ZNF609: variants seen among roughly 807,000 people sequenced by gnomAD.
ZNF609 encodes zinc finger protein 609.
A neutral mutation model predicts 109.5 loss-of-function variants in ZNF609; 11 were observed. The observed-to-expected ratio is 0.10, with a 90% CI of 0.06 to 0.17. ZNF609 has a LOEUF of 0.17. Among genes scored for constraint, ZNF609 ranks in the 10% least tolerant of loss-of-function variants. The pLI is 1.00. For synonymous variants in ZNF609, 646 were observed against 662.0 expected (o/e 0.98, Z 0.37); for missense variants, 1,559 against 1,772.4 (o/e 0.88, Z 2.16).
chr15:64,570,410 C>G (rs1201177533), intron 2 of ZNF609, among the ~76,000 whole-genome samples: 1 of 152,028 alleles, frequency 6.6e-6, no homozygotes, highest in African/African-American at 2.4e-5. Flanking sequence ...CAATAGATAC[C>G]AGGAAAACAG....
At chr15:64,481,765 T>C (rs1292439733) in intron 1 of ZNF609, among the ~76,000 whole-genome samples, 1 of 152,052 alleles carries the variant, frequency 6.6e-6, no homozygotes, top group Non-Finnish European at 1.5e-5. Context: ...AATGATTAGG[T>C]AAGAGATTTT....
At chr15:64,575,659 T>C (rs190970413) in intron 2 of ZNF609, among the ~76,000 whole-genome samples, 1 of 152,168 alleles carries the variant, frequency 6.6e-6, no homozygotes, top group Non-Finnish European at 1.5e-5. Context: ...ATTAATGGGA[T>C]CCCAGGTAGT....
In ZNF609 at chr15:64,674,341, A is replaced by T. The variant is rs1442659142; in HGVS notation, c.1487A>T (p.Asp496Val). 3.1e-6 allele frequency: 5 copies of T among 1,613,946 alleles called. No individual in the cohort carries two copies. Among genetic ancestry groups the T allele is most frequent in the Non-Finnish European group, 4.2e-6 (5 of 1,179,984 alleles). Residue 496 changes from aspartate to valine, a missense_variant, in exon 5 of 10, where the codon GAC (aspartate) becomes GTC (valine). By Grantham distance (152) the Asp-to-Val change is radical. Transcript: ENST00000326648. The part of the protein sequence containing the change: ...DRNCPSPVLI[D>V]CPHPNCNKKY... Reference sequence around the variant, plus strand: ...AACTGCCCCTCCCCCGTCCTAATTGACTGTCCCCACCCAAACTGCAACAAG... The same window carrying T: ...AACTGCCCCTCCCCCGTCCTAATTGTCTGTCCCCACCCAAACTGCAACAAG...
At position 64,685,237 on chromosome 15, in the gene ZNF609, A is replaced by G. The variant is rs1158499376; in HGVS notation, c.*3551A>G. On this transcript the variant is annotated 3_prime_UTR_variant, in exon 10 of 10. Transcript: ENST00000326648. The stretch of plus-strand genomic sequence containing the variant: ...CCTTTGTACATTCAGGCAAGAAGAG[A>G]AAATAAATCTTTTTAAGAGACAATC... 2 of 152,310 alleles carry G rather than the reference A, an allele frequency of 1.3e-5. No homozygotes were observed. Among genetic ancestry groups the G allele is most frequent in the African/African-American group, 4.8e-5 (2 of 41,354 alleles). The allele number at this position is 152,310 out of a possible 1,614,324, so 9.4% of individuals were successfully genotyped here. A position where few individuals can be genotyped will look rare whatever the true frequency, so the allele number is the denominator to read the frequency against.
rs1002643362 is a variant in ZNF609, at chr15:64,681,407, T to C, written c.*5+20T>C. The C allele has an allele frequency of 2.5e-6, 4 of 1,603,568 alleles. No individual in the cohort carries two copies. Among genetic ancestry groups the C allele is most frequent in the Non-Finnish European group, 3.4e-6 (4 of 1,170,810 alleles). ...AGAATGGTAAGTCACTTTTATTAAT[T>C]TGGGGCAACACATAAAGCCGGGATA... On this transcript the variant is annotated intron_variant, in intron 9 of 9. Transcript: ENST00000326648.
At chr15:64,519,122 G>T (rs1474699467) in intron 2 of ZNF609, among the ~76,000 whole-genome samples, 1 of 141,114 alleles carries the variant, frequency 7.1e-6, no homozygotes, top group Non-Finnish European at 1.6e-5. Flanking sequence ...TGCAGGGCGG[G>T]GGGCGGGGGG....
chr15:64,578,121 TAAATA>T (rs1895032587), intron 2 of ZNF609, among the ~76,000 whole-genome samples: 1 of 152,050 alleles, frequency 6.6e-6, no homozygotes, highest in Non-Finnish European at 1.5e-5. Flanking sequence ...AGATTTTTAC[TAAATA>T]AAAGTTTAAG....
At chr15:64,610,432 A>G (rs1895698284) in intron 2 of ZNF609, among the ~76,000 whole-genome samples, 1 of 152,160 alleles carries the variant, frequency 6.6e-6, no homozygotes, top group Non-Finnish European at 1.5e-5. Context: ...AACCCCAGTG[A>G]CAGTTTACCT....
intron 2 of ZNF609, among the ~76,000 whole-genome samples, chr15:64,620,814 G>A (rs79650216): frequency 0.013 from 1,982 of 152,240 alleles, 33 homozygotes; most frequent in African/African-American, 0.046. Flanking sequence ...GAATGGATCC[G>A]GAACCCAGAC....
chr15:64,651,705 A>G (rs1384307930), intron 3 of ZNF609, among the ~76,000 whole-genome samples: 2 of 152,228 alleles, frequency 1.3e-5, no homozygotes, highest in East Asian at 3.8e-4. Flanking sequence ...CTATACAAAG[A>G]GAAAGCATTA....
intron 2 of ZNF609, among the ~76,000 whole-genome samples, chr15:64,524,941 G>A (rs762246905): frequency 1.3e-5 from 2 of 152,176 alleles, no homozygotes; most frequent in African/African-American, 4.8e-5. Flanking sequence ...CCCGCTAGCA[G>A]TGTACAAGGA....
At chr15:64,659,278 A>G (rs1896539757) in intron 3 of ZNF609, among the ~76,000 whole-genome samples, 1 of 152,200 alleles carries the variant, frequency 6.6e-6, no homozygotes, top group Non-Finnish European at 1.5e-5. Context: ...CTCGCTGGCA[A>G]ACTGTGGTCG....
intron 3 of ZNF609, among the ~76,000 whole-genome samples, chr15:64,664,085 A>G (rs1896614538): frequency 6.6e-6 from 1 of 152,014 alleles, no homozygotes; most frequent in Admixed American, 6.6e-5. Flanking sequence ...AAAATTAACG[A>G]GGTGTGGTGG....
chr15:64,471,389 G>A (rs1773125101), intron 1 of ZNF609: 2 of 151,628 alleles, frequency 1.3e-5, no homozygotes, highest in Admixed American at 1.3e-4. Context: ...CTATTGGTCT[G>A]GAGTAGAAAA....
chr15:64,662,904 TGATCCACCTGCCTCG>T (rs1354280460), intron 3 of ZNF609, among the ~76,000 whole-genome samples: 1 of 147,854 alleles, frequency 6.8e-6, no homozygotes, highest in Non-Finnish European at 1.5e-5. Context: ...GGACCTAAGA[TGATCCACCTGCCTCG>T]GCCTCCCAAA....
intron 2 of ZNF609, among the ~76,000 whole-genome samples, chr15:64,608,196 C>G (rs1363971793): frequency 3.3e-5 from 5 of 152,062 alleles, no homozygotes; most frequent in African/African-American, 1.2e-4. Flanking sequence ...CATGCCCAGC[C>G]AAATTATTTC....
intron 1 of ZNF609, among the ~76,000 whole-genome samples, chr15:64,490,728 G>A (rs571929061): frequency 6.6e-6 from 1 of 152,180 alleles, no homozygotes; most frequent in African/African-American, 2.4e-5. Context: ...TACATATTCA[G>A]GATACCATTT....
At chr15:64,665,832 G>C in intron 3 of ZNF609, among the ~76,000 whole-genome samples, 1 of 151,818 alleles carries the variant, frequency 6.6e-6, no homozygotes, top group South Asian at 2.1e-4. Context: ...CTTGAACCTG[G>C]GAGGCGGAGG....
At chr15:64,659,421 G>A (rs955615860) in intron 3 of ZNF609, among the ~76,000 whole-genome samples, 8 of 152,148 alleles carry the variant, frequency 5.3e-5, no homozygotes, top group African/African-American at 1.9e-4. Context: ...ATAGAGCTAC[G>A]TTAATATTTA....
Sources: gnomAD v4.1 joint callset for allele counts (sites outside exome capture counted in the v4.1 genomes callset) on GRCh38, gnomAD v4.1.1 for gene constraint, MANE v1.5 for transcripts, NCBI Gene and HGNC (gene_info 2026-07-23, HGNC 2026-07-21) for gene names.